The following CLCA4 variants were observed in gnomAD, a reference collection of about 807,000 sequenced individuals.
The protein encoded by CLCA4 is chloride channel accessory 4, also known as calcium-activated chloride channel regulator 4.
A neutral mutation model predicts 78.9 loss-of-function variants in CLCA4; 69 were observed. The ratio of observed to expected loss-of-function variants is 0.87; its 90% CI spans 0.72 to 1.07. CLCA4 has a LOEUF of 1.07. CLCA4 is among the 50% of genes least tolerant of loss of function. The probability of loss-of-function intolerance (pLI) is 0.00; values close to 1 mark genes in which losing one functional copy is unlikely to be tolerated. For synonymous variants in CLCA4, 362 were observed against 375.8 expected (o/e 0.96, Z 0.42); for missense variants, 1,133 against 1,095.8 (o/e 1.03, Z -0.48).
intron 1 of CLCA4, among the ~76,000 whole-genome samples, chr1:86,558,822 C>T (rs562977687): frequency 1.3e-5 from 2 of 152,256 alleles, no homozygotes; most frequent in South Asian, 4.1e-4. Context: ...ATGGGAACTA[C>T]AATTCAAGAT....
In CLCA4 at chr1:86,547,115, G is replaced by A; in HGVS notation, c.-5G>A. 6.3e-7 allele frequency: 1 copy of A among 1,597,966 alleles called. No homozygotes were observed. The highest frequency in any genetic ancestry group is 8.5e-7 in the Non-Finnish European group (1 of 1,176,128). On this transcript the variant is annotated 5_prime_UTR_variant, in exon 1 of 14. Transcript: ENST00000370563. ...ATTTGAGCCAGGAATAACTAGAGAG[G>A]AACAATGGGGTTATTCAGAGGTTTT...
intron 7 of CLCA4, 69 bp downstream of exon 7, chr1:86,567,720 CT>C: frequency 8.3e-7 from 1 of 1,207,390 alleles, no homozygotes; most frequent in Non-Finnish European, 1.2e-6. Flanking sequence ...TTAAGTGGTA[CT>C]GCACATGCTT....
intron 3 of CLCA4, among the ~76,000 whole-genome samples, chr1:86,561,525 A>T (rs1205861558): frequency 6.6e-6 from 1 of 152,064 alleles, no homozygotes; most frequent in East Asian, 1.9e-4. Flanking sequence ...ATTTTTACTC[A>T]GCTCTTCTCA....
Position 86,566,014 on chromosome 1 carries a change from C to A in CLCA4, c.948C>A (p.Ser316Arg), listed in dbSNP as rs765635225. The change falls in exon 6 of 14, where the codon AGC becomes AGA. Residue 316 changes from serine (S) to arginine (R), a missense_variant. Physicochemically the swap from Ser to Arg is moderately radical, Grantham distance 110. Coordinates refer to ENST00000370563, the MANE Select transcript of CLCA4 (RefSeq NM_012128.4). ...GCTTAGTTCTTGATAAGTCTGGAAG[C>A]ATGGGGGTAAGATCACTTTTTCTGG... ...IVCLVLDKSG[S>R]MGGKDRLNRM... 2 of 1,611,154 alleles carry A rather than the reference C, an allele frequency of 1.2e-6. No homozygotes were observed. Among genetic ancestry groups the A allele is most frequent in the African/African-American group, 2.7e-5 (2 of 74,802 alleles).
In CLCA4 at chr1:86,547,082, A is replaced by G. The variant is rs1649524519; in HGVS notation, c.-38A>G. On this transcript the variant is annotated 5_prime_UTR_variant, in exon 1 of 14. Coordinates refer to ENST00000370563, the MANE Select transcript of CLCA4 (RefSeq NM_012128.4). ...GAAAGAAAAGAAAAGCCTCTTGAAC[A>G]AACCAACATTTGAGCCAGGAATAAC... The G allele has an allele frequency of 1.3e-6, 2 of 1,577,306 alleles. No homozygotes were observed. Among genetic ancestry groups the G allele is most frequent in the East Asian group, 2.3e-5 (1 of 43,984 alleles).
chr1:86,548,399 A>G (rs1473552001), intron 1 of CLCA4, among the ~76,000 whole-genome samples: 2 of 151,990 alleles, frequency 1.3e-5, no homozygotes, highest in Non-Finnish European at 2.9e-5. Context: ...TTGGGATGTC[A>G]GCCAGGCACG....
chr1:86,579,600 T>C lies in CLCA4; in HGVS notation c.2356+13T>C. On this transcript the variant is annotated intron_variant, in intron 13 of 13. Coordinates refer to ENST00000370563, the MANE Select transcript of CLCA4 (RefSeq NM_012128.4). ...GATGTTGGAAAAGGTAAGGATGAAG[T>C]GTCATGTGATTTTGACTTAAGTAAA... 1 of 1,603,562 alleles carries C rather than the reference T, an allele frequency of 6.2e-7. No individual in the cohort carries two copies. The highest frequency in any genetic ancestry group is 8.5e-7 in the Non-Finnish European group (1 of 1,171,264).
At chr1:86,564,431 A>C (rs952810706) in intron 4 of CLCA4, among the ~76,000 whole-genome samples, 1 of 152,076 alleles carries the variant, frequency 6.6e-6, no homozygotes, top group Non-Finnish European at 1.5e-5. Context: ...TCTTTTAGAG[A>C]GTATTACATT....
Position 86,580,413 on chromosome 1 carries a change from T to TGGCCG in CLCA4, c.*68_*69insGGCCG. On this transcript the variant is annotated 3_prime_UTR_variant, in exon 14 of 14. Coordinates refer to ENST00000370563, the MANE Select transcript of CLCA4 (RefSeq NM_012128.4). ...GTTTTAAAAAACAAAACAATGTAAG[T>TGGCCG]AAAGGATATTTCTGAATCTTAAAAT... is the stretch of plus-strand genomic sequence containing the variant. The TGGCCG allele has an allele frequency of 4.1e-6, 5 of 1,212,782 alleles. No homozygotes were observed. Among genetic ancestry groups the TGGCCG allele is most frequent in the Non-Finnish European group, 5.6e-6 (5 of 895,284 alleles). 75.1% of individuals were successfully genotyped at this position (1,212,782 alleles called of 1,614,324 possible). A position where few individuals can be genotyped will look rare whatever the true frequency, so the allele number is the denominator to read the frequency against.
intron 3 of CLCA4, among the ~76,000 whole-genome samples, chr1:86,561,883 G>C (rs1005984812): frequency 2.4e-4 from 37 of 152,004 alleles, no homozygotes; most frequent in African/African-American, 7.0e-4. Flanking sequence ...ATATGCATTT[G>C]TGTAAAAAAC....
intron 8 of CLCA4, 127 bp downstream of exon 8, chr1:86,571,381 G>A (rs1650347648): frequency 1.2e-6 from 1 of 813,182 alleles, no homozygotes; most frequent in Non-Finnish European, 1.8e-6. Flanking sequence ...CCCAATCTCT[G>A]TTCTCGTGGC....
chr1:86,556,819 C>CTTTG (rs1002051120), intron 1 of CLCA4, among the ~76,000 whole-genome samples: 1 of 151,864 alleles, frequency 6.6e-6, no homozygotes, highest in Non-Finnish European at 1.5e-5. Flanking sequence ...AGATCCTGGG[C>CTTTG]TTTGTTTGTT....
chr1:86,579,551 T>C lies in CLCA4; in HGVS notation c.2320T>C (p.Trp774Arg). 6.2e-7 allele frequency: 1 copy of C among 1,612,708 alleles called. No individual in the cohort carries two copies. The highest frequency in any genetic ancestry group is 8.5e-7 in the Non-Finnish European group (1 of 1,179,166). ...TCATGAGGATAAGATTATTCTTACA[T>C]GGACAGCACCAGGAGATAATTTTGA... is the stretch of plus-strand genomic sequence containing the variant. Reference protein sequence around the residue: ...TVHEDKIILTWTAPGDNFDVG... With the variant: ...TVHEDKIILTRTAPGDNFDVG... Residue 774 changes from tryptophan to arginine, a missense_variant, in exon 13 of 14, where the codon TGG becomes CGG. Physicochemically the swap from Trp to Arg is moderately radical, Grantham distance 101. Coordinates refer to ENST00000370563, the MANE Select transcript of CLCA4 (RefSeq NM_012128.4).
In CLCA4 at chr1:86,560,035, C is replaced by G. The variant is rs1412948892; in HGVS notation, c.263C>G (p.Pro88Arg). 6.2e-7 allele frequency: 1 copy of G among 1,607,424 alleles called. No homozygotes were observed. The highest frequency in any genetic ancestry group is 1.3e-5 in the African/African-American group (1 of 74,410). ...ILIPENWKEN[P>R]QYKRPKHENH... Reference sequence around the variant, plus strand: ...ATTCCTGAGAATTGGAAGGAAAATCCTCAGTACAAAAGGCCAAAACATGAA... The same window carrying G: ...ATTCCTGAGAATTGGAAGGAAAATCGTCAGTACAAAAGGCCAAAACATGAA... The change falls in exon 2 of 14, where the codon CCT (proline) becomes CGT (arginine). Residue 88 changes from proline (P) to arginine (R), a missense_variant. By Grantham distance (103) the Pro-to-Arg change is moderately radical. Transcript: ENST00000370563.
intron 3 of CLCA4, among the ~76,000 whole-genome samples, chr1:86,561,819 C>T (rs1650028703): frequency 6.6e-6 from 1 of 152,138 alleles, no homozygotes; most frequent in South Asian, 2.1e-4. Flanking sequence ...ACTGATAGGT[C>T]ACCCCTTCTT....
intron 4 of CLCA4, among the ~76,000 whole-genome samples, chr1:86,564,206 A>G (rs1413592898): frequency 1.3e-5 from 2 of 152,192 alleles, no homozygotes; most frequent in Admixed American, 6.5e-5. Context: ...AATGCCGTCT[A>G]GCATCACAGT....
intron 4 of CLCA4, among the ~76,000 whole-genome samples, chr1:86,563,988 C>A (rs902204882): frequency 5.9e-5 from 9 of 151,998 alleles, no homozygotes; most frequent in Non-Finnish European, 1.3e-4. Context: ...ATATTTTATA[C>A]CTCTCTACCA....
At chr1:86,578,333 C>T (rs1416563881) in intron 12 of CLCA4, among the ~76,000 whole-genome samples, 1 of 151,950 alleles carries the variant, frequency 6.6e-6, no homozygotes, top group Non-Finnish European at 1.5e-5. Flanking sequence ...TTTGAGGGTA[C>T]ATGTGCAGGT....
At chr1:86,568,081 C>A (rs768374214) in intron 7 of CLCA4, among the ~76,000 whole-genome samples, 3 of 151,780 alleles carry the variant, frequency 2.0e-5, no homozygotes, top group Non-Finnish European at 2.9e-5. Flanking sequence ...TTTATTATAC[C>A]TCTTAAAGCA....
Sources: gnomAD v4.1 joint callset for allele counts (sites outside exome capture counted in the v4.1 genomes callset) on GRCh38, gnomAD v4.1.1 for gene constraint, MANE v1.5 for transcripts, NCBI Gene and HGNC (gene_info 2026-07-23, HGNC 2026-07-21) for gene names.